The following PIK3CB variants were observed in gnomAD, a reference collection of about 807,000 sequenced individuals.
PIK3CB encodes the protein phosphatidylinositol 4,5-bisphosphate 3-kinase catalytic subunit beta isoform.
A neutral mutation model predicts 136.8 loss-of-function variants in PIK3CB; 39 were observed. That is an observed-to-expected ratio of 0.29 (90% CI 0.22 to 0.37). The LOEUF is 0.37. PIK3CB is among the 10% of genes least tolerant of loss of function. The pLI, the probability that PIK3CB is intolerant of heterozygous loss-of-function variation, is 1.00. For synonymous variants in PIK3CB, 428 were observed against 436.6 expected (o/e 0.98, Z 0.25); for missense variants, 868 against 1,275.4 (o/e 0.68, Z 4.87).
rs35851894 is a variant in PIK3CB, at chr3:138,756,862, C to T, written c.172-883G>A. Among the ~76,000 whole-genome samples the T allele has an allele frequency of 7.6e-3, 1,163 of 152,118 alleles. 10 individuals carry two copies. Among genetic ancestry groups the T allele is most frequent in the Middle Eastern group, 0.031 (9 of 294 alleles). On this transcript the variant is annotated intron_variant, in intron 3 of 23. Transcript: ENST00000674063. ...TTCACCAAAACTTAAAACTTCTGTA[C>T]AGCAAAAGACATTATCAAGAGAATG...
At chr3:138,731,481 G>A (rs1259914084) in intron 8 of PIK3CB, among the ~76,000 whole-genome samples, 1 of 151,572 alleles carries the variant, frequency 6.6e-6, no homozygotes. Context: ...TTGAACTCCT[G>A]GACTCAAATG....
At chr3:138,810,612 T>C (rs1012577880) in intron 1 of PIK3CB, among the ~76,000 whole-genome samples, 34 of 151,620 alleles carry the variant, frequency 2.2e-4, no homozygotes, top group Admixed American at 1.3e-4. Context: ...AGAACTGTCA[T>C]GGTCATCAAA....
chr3:138,833,066 A>T (rs78726039), intron 1 of PIK3CB, among the ~76,000 whole-genome samples: 1 of 142,938 alleles, frequency 7.0e-6, no homozygotes, highest in Admixed American at 7.1e-5. Context: ...TCTCAAAAAG[A>T]TTTTTTTTTT....
chr3:138,791,792 AC>A (rs2046053838), intron 2 of PIK3CB, among the ~76,000 whole-genome samples: 1 of 152,172 alleles, frequency 6.6e-6, no homozygotes, highest in Non-Finnish European at 1.5e-5. Context: ...GGAGCTGCCA[AC>A]TCAAATGTCA....
At chr3:138,655,695 A>C (rs1293189532) in intron 23 of PIK3CB, among the ~76,000 whole-genome samples, 169 bp from the exon 24 acceptor site, 1 of 152,162 alleles carries the variant, frequency 6.6e-6, no homozygotes, top group Non-Finnish European at 1.5e-5. Flanking sequence ...CAAGATAGGG[A>C]GATAATATGA....
chr3:138,709,606 C>T (rs186083773), intron 10 of PIK3CB, among the ~76,000 whole-genome samples: 93 of 152,160 alleles, frequency 6.1e-4, no homozygotes, highest in African/African-American at 2.0e-3. Context: ...CTTGTTTGCC[C>T]CTACTGGGTT....
rs72630194 is a variant in PIK3CB, at chr3:138,709,345, A to G, written c.1400-2056T>C. On this transcript the variant is annotated intron_variant, in intron 10 of 23. Transcript: ENST00000674063. The stretch of plus-strand genomic sequence containing the variant: ...CATGGGGGGAAAAACAGTTCTCTAC[A>G]TAGATACGTAGAGAAGATATGGTGA... 0.021 allele frequency among the ~76,000 whole-genome samples: 3,179 copies of G among 152,032 alleles called. 493 individuals are homozygous for G. In the East Asian group the frequency reaches 0.41, roughly 20 times the overall value.
intron 19 of PIK3CB, among the ~76,000 whole-genome samples, chr3:138,667,904 T>C (rs1420135871): frequency 6.6e-6 from 1 of 151,376 alleles, no homozygotes; most frequent in Non-Finnish European, 1.5e-5. Context: ...CTGTGTCTAC[T>C]AAAAATACAA....
intron 2 of PIK3CB, among the ~76,000 whole-genome samples, chr3:138,766,793 T>C (rs1259837994): frequency 1.3e-5 from 2 of 152,190 alleles, no homozygotes; most frequent in Admixed American, 1.3e-4. Context: ...TTTAAAGACC[T>C]AGAAATGTTT....
At chr3:138,829,637 G>T (rs1933937064) in intron 1 of PIK3CB, among the ~76,000 whole-genome samples, 2 of 152,030 alleles carry the variant, frequency 1.3e-5, no homozygotes, top group Admixed American at 1.3e-4. Context: ...AACTGCTAGG[G>T]TTAGCCGGGC....
intron 3 of PIK3CB, 70 bp downstream of exon 3, chr3:138,759,103 A>G (rs1369002821): frequency 7.4e-6 from 7 of 943,164 alleles, no homozygotes; most frequent in Non-Finnish European, 1.1e-5. Context: ...AACATTTTCT[A>G]TTATAGAATG....
intron 2 of PIK3CB, among the ~76,000 whole-genome samples, chr3:138,788,392 C>G (rs2046004777): frequency 6.6e-6 from 1 of 152,078 alleles, no homozygotes; most frequent in Non-Finnish European, 1.5e-5. Flanking sequence ...CACAGTGGCT[C>G]ACGCCTGTAA....
At chr3:138,688,132 C>T (rs1044172277) in intron 16 of PIK3CB, among the ~76,000 whole-genome samples, 3 of 152,084 alleles carry the variant, frequency 2.0e-5, no homozygotes, top group Middle Eastern at 6.8e-3. Flanking sequence ...TAATGGAAGC[C>T]TATGAGAGTT....
chr3:138,688,895 T>G lies in PIK3CB; in HGVS notation c.2116A>C (p.Met706Leu). ...GATACCTGCTTAGAAAGCACTTTCA[T>G]GTGCCCCACACTTCCCCGGCAGTAT... is the stretch of plus-strand genomic sequence containing the variant. The part of the protein sequence containing the change: ...EAYCRGSVGH[M>L]KVLSKQVEAL... Residue 706 changes from methionine to leucine, a missense_variant, in exon 16 of 24, where the codon ATG becomes CTG. By Grantham distance (15) the Met-to-Leu change is conservative. Coordinates refer to ENST00000674063, the MANE Select transcript of PIK3CB (RefSeq NM_006219.3). The G allele has an allele frequency of 3.7e-6, 6 of 1,612,576 alleles. No individual in the cohort carries two copies. Among genetic ancestry groups the G allele is most frequent in the Non-Finnish European group, 5.1e-6 (6 of 1,178,638 alleles).
At chr3:138,656,691 A>G (rs926698692) in intron 22 of PIK3CB, among the ~76,000 whole-genome samples, 1 of 151,922 alleles carries the variant, frequency 6.6e-6, no homozygotes, top group African/African-American at 2.4e-5. Context: ...AGTCCCCTCA[A>G]TCAGTGTCAG....
At chr3:138,824,207 C>T (rs1212300609) in intron 1 of PIK3CB, among the ~76,000 whole-genome samples, 2 of 152,154 alleles carry the variant, frequency 1.3e-5, no homozygotes, top group African/African-American at 4.8e-5. Context: ...ATATAATCCT[C>T]CCCCTGCAGG....
chr3:138,822,938 G>A (rs1342377522), intron 1 of PIK3CB, among the ~76,000 whole-genome samples: 5 of 139,432 alleles, frequency 3.6e-5, no homozygotes, highest in Admixed American at 7.6e-5. Context: ...ACATATATAC[G>A]AAATATATAT....
intron 4 of PIK3CB, among the ~76,000 whole-genome samples, chr3:138,752,154 C>T (rs1217409562): frequency 6.6e-6 from 1 of 151,934 alleles, no homozygotes; most frequent in Admixed American, 6.6e-5. Flanking sequence ...GGGTGGCATA[C>T]ACCTTACTAC....
At chr3:138,752,898 T>C (rs2045499610) in intron 4 of PIK3CB, among the ~76,000 whole-genome samples, 1 of 152,188 alleles carries the variant, frequency 6.6e-6, no homozygotes, top group African/African-American at 2.4e-5. Flanking sequence ...CAATCTTCAA[T>C]ATTTTTATTT....
Sources: gnomAD v4.1 joint callset for allele counts (sites outside exome capture counted in the v4.1 genomes callset) on GRCh38, gnomAD v4.1.1 for gene constraint, MANE v1.5 for transcripts, NCBI Gene and HGNC (gene_info 2026-07-23, HGNC 2026-07-21) for gene names.